WDR17: variants seen among roughly 807,000 people sequenced by gnomAD.
WDR17 encodes WD repeat-containing protein 17.
In WDR17, 143 loss-of-function variants were observed where a neutral mutation model predicts 161.7. The observed-to-expected ratio is 0.88, with a 90% confidence interval of 0.77 to 1.02. WDR17 has a LOEUF of 1.02. WDR17 is among the 50% of genes least tolerant of loss of function. The pLI, the probability that WDR17 is intolerant of heterozygous loss-of-function variation, is 0.00. For missense variants in WDR17, 1,469 were observed against 1,520.9 expected, an observed-to-expected ratio of 0.97 and a Z score of 0.57; for synonymous variants, 517 against 515.6, an observed-to-expected ratio of 1.00 and a Z score of -0.04.
intron 3 of WDR17, among the ~76,000 whole-genome samples, chr4:176,116,211 C>T (rs976315153): frequency 6.6e-6 from 1 of 151,266 alleles, no homozygotes; most frequent in Non-Finnish European, 1.5e-5. Context: ...TAGCCAATAC[C>T]AAATAATTTT....
chr4:176,093,638 A>T (rs1736424741), intron 1 of WDR17, among the ~76,000 whole-genome samples: 1 of 152,166 alleles, frequency 6.6e-6, no homozygotes, highest in African/African-American at 2.4e-5. Context: ...AGATACAGGG[A>T]TGCGAAGATG....
chr4:176,148,723 ATAGAG>A (rs1255104532), intron 13 of WDR17, among the ~76,000 whole-genome samples: 1 of 152,222 alleles, frequency 6.6e-6, no homozygotes, highest in African/African-American at 2.4e-5. Context: ...GAAATCAGTA[ATAGAG>A]TAGATACCAC....
chr4:176,180,935 G>C lies in WDR17; in HGVS notation c.*1356G>C, dbSNP rs1752097093. On this transcript the variant is annotated 3_prime_UTR_variant, in exon 29 of 29. Transcript: ENST00000508596. Reference sequence around the variant, plus strand: ...CTTATTAAATTAATGCATACTGGAAGTACTTTGATACTCAAGTTGTTTCAC... The same window carrying C: ...CTTATTAAATTAATGCATACTGGAACTACTTTGATACTCAAGTTGTTTCAC... 6.6e-6 allele frequency: 1 copy of C among 152,088 alleles called. No homozygotes were observed. Among genetic ancestry groups the C allele is most frequent in the Non-Finnish European group, 1.5e-5 (1 of 68,018 alleles). 9.4% of individuals were successfully genotyped at this position (152,088 alleles called of 1,614,324 possible).
At chr4:176,158,574 T>C (rs1748519402) in intron 18 of WDR17, among the ~76,000 whole-genome samples, 2 of 152,216 alleles carry the variant, frequency 1.3e-5, no homozygotes, top group Non-Finnish European at 2.9e-5. Context: ...TTTAGTGGCA[T>C]TGTTCAATAG....
intron 9 of WDR17, 93 bp from the exon 10 acceptor site, chr4:176,139,799 C>A: frequency 9.5e-7 from 1 of 1,047,830 alleles, no homozygotes; most frequent in Non-Finnish European, 1.4e-6. Flanking sequence ...AAGCACATTC[C>A]TAACAGAAAA....
chr4:176,103,959 G>A (rs1738254737), intron 1 of WDR17, among the ~76,000 whole-genome samples: 1 of 152,076 alleles, frequency 6.6e-6, no homozygotes, highest in Non-Finnish European at 1.5e-5. Context: ...AGACACACAT[G>A]GAGACACATC....
At chr4:176,086,264 C>T (rs1382483882) in intron 1 of WDR17, among the ~76,000 whole-genome samples, 1 of 151,888 alleles carries the variant, frequency 6.6e-6, no homozygotes, top group Non-Finnish European at 1.5e-5. Context: ...AATGTGAATT[C>T]TATCATTATT....
chr4:176,102,659 G>C (rs184154087), intron 1 of WDR17, among the ~76,000 whole-genome samples: 1 of 152,098 alleles, frequency 6.6e-6, no homozygotes, highest in African/African-American at 2.4e-5. Flanking sequence ...GTATTATTCT[G>C]CACTAAAAAG....
At chr4:176,088,415 T>A (rs955204232) in intron 1 of WDR17, among the ~76,000 whole-genome samples, 1 of 152,068 alleles carries the variant, frequency 6.6e-6, no homozygotes, top group Non-Finnish European at 1.5e-5. Context: ...TGAGACCCTA[T>A]CTCTTTAAAA....
intron 22 of WDR17, among the ~76,000 whole-genome samples, chr4:176,165,084 TGTGAGGCCAAGGTGG>T (rs1355891435): frequency 2.0e-5 from 3 of 151,532 alleles, no homozygotes; most frequent in Non-Finnish European, 4.4e-5. Context: ...CCCAGCACTT[TGTGAGGCCAAGGTGG>T]GTGGATCACC....
chr4:176,150,670 A>T (rs994763161), intron 16 of WDR17, 77 bp downstream of exon 16: 38 of 1,382,722 alleles, frequency 2.7e-5, no homozygotes, highest in Non-Finnish European at 3.5e-5. Context: ...AAATGATTTT[A>T]AAAATATATA....
rs2126914820 is a variant in WDR17, at chr4:176,181,964, T to C, written c.*2385T>C. ...TACAATGTCTATATCTTATTACCTA[T>C]AACTATTAATTTTTCATAGAATTAT... On this transcript the variant is annotated 3_prime_UTR_variant, in exon 29 of 29. Transcript: ENST00000508596. 6.6e-6 allele frequency: 1 copy of C among 152,230 alleles called. No individual in the cohort carries two copies. The highest frequency in any genetic ancestry group is 6.5e-5 in the Admixed American group (1 of 15,292). 9.4% of individuals were successfully genotyped at this position (152,230 alleles called of 1,614,324 possible).
intron 1 of WDR17, chr4:176,068,385 A>T (rs1374608642): frequency 6.6e-6 from 1 of 152,296 alleles, no homozygotes; most frequent in East Asian, 1.9e-4. Flanking sequence ...GGATCACCTG[A>T]GGTGAGGAGT....
At chr4:176,071,475 A>T (rs2126548118) in intron 1 of WDR17, among the ~76,000 whole-genome samples, 1 of 152,224 alleles carries the variant, frequency 6.6e-6, no homozygotes, top group South Asian at 2.1e-4. Context: ...GGCGCAGGCC[A>T]TTATGCCCAG....
In WDR17 at chr4:176,164,849, A is replaced by C. The variant is rs371879680; in HGVS notation, c.2990+1556A>C. Among the ~76,000 whole-genome samples, 6 of 152,072 alleles carry C rather than the reference A, an allele frequency of 3.9e-5. No homozygotes were observed. In the East Asian group the frequency reaches 1.2e-3, roughly 29 times the overall value. On this transcript the variant is annotated intron_variant, in intron 22 of 28. Transcript: ENST00000508596. ...TCAGACTTCAGTGTACTTAATGGTG[A>C]CTCTCCTCTGAGAGTATCTAGTTAT...
intron 1 of WDR17, among the ~76,000 whole-genome samples, chr4:176,079,843 AG>A (rs1033824880): frequency 2.6e-5 from 4 of 151,918 alleles, no homozygotes; most frequent in Admixed American, 2.0e-4. Flanking sequence ...TCACAAGGCG[AG>A]GGGGGGTGAG....
intron 1 of WDR17, among the ~76,000 whole-genome samples, chr4:176,095,913 C>T (rs192834301): frequency 3.9e-5 from 6 of 152,140 alleles, no homozygotes; most frequent in Non-Finnish European, 7.4e-5. Flanking sequence ...AATTAAATTA[C>T]ATTCATGTGG....
At chr4:176,160,596 A>C (rs1325397728) in intron 19 of WDR17, among the ~76,000 whole-genome samples, 1 of 152,234 alleles carries the variant, frequency 6.6e-6, no homozygotes, top group Non-Finnish European at 1.5e-5. Flanking sequence ...TTCTGGGATT[A>C]CAGGCATGAG....
chr4:176,173,647 G>C (rs1186837036), intron 25 of WDR17, among the ~76,000 whole-genome samples: 3 of 152,066 alleles, frequency 2.0e-5, no homozygotes, highest in African/African-American at 7.2e-5. Flanking sequence ...CTCCCGCGTA[G>C]CTGGTACTAC....
Sources: gnomAD v4.1 joint callset for allele counts (sites outside exome capture counted in the v4.1 genomes callset) on GRCh38, gnomAD v4.1.1 for gene constraint, MANE v1.5 for transcripts, NCBI Gene and HGNC (gene_info 2026-07-23, HGNC 2026-07-21) for gene names.